The following FAM174B variants were observed in gnomAD, a reference collection of about 807,000 sequenced individuals.
The protein encoded by FAM174B is family with sequence similarity 174 member B.
In FAM174B, 12 loss-of-function variants were observed where a neutral mutation model predicts 10.9. The observed-to-expected ratio is 1.10, with a 90% confidence interval of 0.71 to 1.79. The LOEUF (loss-of-function observed/expected upper bound fraction) is 1.79. Among genes scored for constraint, FAM174B ranks in the 40% most tolerant of loss-of-function variants. The pLI, the probability that FAM174B is intolerant of heterozygous loss-of-function variation, is 0.00. For missense variants in FAM174B, 266 were observed against 233.3 expected (o/e 1.14, Z -0.91); for synonymous variants, 132 against 115.8 (o/e 1.14, Z -0.90).
chr15:92,646,150 A>AC (rs1292965557), intron 1 of FAM174B, among the ~76,000 whole-genome samples: 2 of 151,444 alleles, frequency 1.3e-5, no homozygotes, highest in East Asian at 1.9e-4. Context: ...GACATCCTGC[A>AC]CCCCCCACAC....
At chr15:92,635,197 A>ACC (rs1370308323) in intron 1 of FAM174B, among the ~76,000 whole-genome samples, 2 of 146,916 alleles carry the variant, frequency 1.4e-5, no homozygotes, top group African/African-American at 5.1e-5. Flanking sequence ...ACACACACAC[A>ACC]CCCTATTGAT....
At chr15:92,643,180 G>GGT in intron 1 of FAM174B, among the ~76,000 whole-genome samples, 1 of 151,576 alleles carries the variant, frequency 6.6e-6, no homozygotes, top group East Asian at 1.9e-4. Flanking sequence ...TGTTGACCAG[G>GGT]CTGGTCCAAA....
rs2050916326 is a variant in FAM174B, at chr15:92,644,933, C to CTT, written c.344+10381_344+10382dup. On this transcript the variant is annotated intron_variant, in intron 1 of 2. Coordinates refer to ENST00000327355, the MANE Select transcript of FAM174B (RefSeq NM_207446.3). Reference sequence around the variant, plus strand: ...TAGATTTTTATATAAAGGCTCCTAACTTTTAAGTGTTCTCAACTATCTTAG... The same window carrying CTT: ...TAGATTTTTATATAAAGGCTCCTAACTTTTTTAAGTGTTCTCAACTATCTTAG... 2.0e-5 allele frequency among the ~76,000 whole-genome samples: 3 copies of CTT among 152,224 alleles called. No homozygotes were observed. In the South Asian group the frequency reaches 6.2e-4, roughly 32 times the overall value.
rs549834370 is a variant in FAM174B, at chr15:92,655,540, C to T, written c.120G>A (p.Glu40=). Residue 40 remains glutamate (E), a synonymous_variant, in exon 1 of 3, where the codon GAG becomes GAA. Coordinates refer to ENST00000327355, the MANE Select transcript of FAM174B (RefSeq NM_207446.3). ...GGCCGGGCGGTGGCCGCGACTCGCG[C>T]TCGGGTTCGGGCCACGGCGCGGAGA... is the stretch of plus-strand genomic sequence containing the variant. ...ESVSAPWPEP[E]RESRPPPGPG... 1.3e-5 allele frequency: 19 copies of T among 1,452,576 alleles called. No individual in the cohort carries two copies. The South Asian group carries it at 2.7e-4, about 21-fold the overall frequency. 90.0% of individuals were successfully genotyped at this position (1,452,576 alleles called of 1,614,324 possible).
intron 1 of FAM174B, among the ~76,000 whole-genome samples, chr15:92,643,142 T>C (rs1311812288): frequency 9.5e-6 from 1 of 105,222 alleles, no homozygotes; most frequent in Non-Finnish European, 2.4e-5. Context: ...ATTTGTTTTT[T>C]TTTTTTAAGA....
chr15:92,627,793 G>A lies in FAM174B; in HGVS notation c.476+2421C>T, dbSNP rs56405914. 8.8e-3 allele frequency among the ~76,000 whole-genome samples: 1,335 copies of A among 152,250 alleles called. 25 individuals are homozygous for A. Among genetic ancestry groups the A allele is most frequent in the African/African-American group, 0.031 (1,275 of 41,532 alleles). ...TATTCCCAGCCGTGCAGGAGGAAGCGGACTCTTTTGACTGTGAATAGTAAT... is the reference window on the plus strand; with the variant it reads ...TATTCCCAGCCGTGCAGGAGGAAGCAGACTCTTTTGACTGTGAATAGTAAT... On this transcript the variant is annotated intron_variant, in intron 2 of 2. Coordinates refer to ENST00000327355, the MANE Select transcript of FAM174B (RefSeq NM_207446.3).
At chr15:92,646,703 C>T (rs560759825) in intron 1 of FAM174B, among the ~76,000 whole-genome samples, 1 of 152,318 alleles carries the variant, frequency 6.6e-6, no homozygotes, top group Non-Finnish European at 1.5e-5. Context: ...GGAGGCTTCG[C>T]CTGCATAATA....
At chr15:92,629,219 G>A (rs913072579) in intron 2 of FAM174B, among the ~76,000 whole-genome samples, 23 of 152,170 alleles carry the variant, frequency 1.5e-4, no homozygotes, top group African/African-American at 5.3e-4. Flanking sequence ...TTGGGACTTT[G>A]GCCAAGCAAT....
In FAM174B at chr15:92,630,340, C is replaced by T; in HGVS notation, c.350G>A (p.Gly117Glu). 6.2e-7 allele frequency: 1 copy of T among 1,611,226 alleles called. No individual in the cohort carries two copies. Among genetic ancestry groups the T allele is most frequent in the Non-Finnish European group, 8.5e-7 (1 of 1,178,484 alleles). The change falls in exon 2 of 3, where the codon GGA becomes GAA. Residue 117 changes from glycine to glutamate, a missense_variant. Gly to Glu is a moderately conservative substitution (Grantham distance 98). Coordinates refer to ENST00000327355, the MANE Select transcript of FAM174B (RefSeq NM_207446.3). ...ACLLLRVFRS[G>E]KRLKKTRKYD... is the part of the protein sequence containing the mutation. ...CTTGCGTGTCTTCTTTAACCTCTTT[C>T]CCGACCTGCAGGAGAAGAAGCACAT...
At chr15:92,630,841 A>T (rs867782817) in intron 1 of FAM174B, among the ~76,000 whole-genome samples, 1 of 36,316 alleles carries the variant, frequency 2.8e-5, no homozygotes, top group South Asian at 9.5e-4. Context: ...TATTATATAT[A>T]TTACATATTA....
At chr15:92,627,389 C>G (rs77031838) in intron 2 of FAM174B, 2,486 of 171,070 alleles carry the variant, frequency 0.015, 23 homozygotes, top group African/African-American at 0.027. Flanking sequence ...ATTTGAAGAA[C>G]TGAGACAAGC....
intron 1 of FAM174B, among the ~76,000 whole-genome samples, chr15:92,640,104 A>G (rs962034852): frequency 1.8e-4 from 28 of 152,194 alleles, no homozygotes; most frequent in Non-Finnish European, 1.2e-4. Flanking sequence ...ATAACCACCC[A>G]TATCTCACAC....
Position 92,617,831 on chromosome 15 carries a change from A to AAG in FAM174B, c.*1623_*1624dup, listed in dbSNP as rs2050689393. The AAG allele has an allele frequency of 2.0e-6, 1 of 495,912 alleles. No individual in the cohort carries two copies. The highest frequency in any genetic ancestry group is 2.0e-5 in the African/African-American group (1 of 49,688). 30.7% of individuals were successfully genotyped at this position (495,912 alleles called of 1,614,324 possible). On this transcript the variant is annotated 3_prime_UTR_variant, in exon 3 of 3. Transcript: ENST00000327355. ...GGAAAACAGAGAAGGAAAGTCAACAAAGAAGGTGAAATGCAGGGAGCAGAG... is the reference window on the plus strand; with the variant it reads ...GGAAAACAGAGAAGGAAAGTCAACAAAGAGAAGGTGAAATGCAGGGAGCAGAG...
intron 2 of FAM174B, among the ~76,000 whole-genome samples, chr15:92,629,873 G>A (rs2050779223): frequency 6.6e-6 from 1 of 152,106 alleles, no homozygotes; most frequent in Non-Finnish European, 1.5e-5. Context: ...GGTTTTCTAA[G>A]GGGGAGTTCC....
intron 1 of FAM174B, chr15:92,655,024 G>C (rs1023686760): frequency 5.8e-5 from 16 of 274,692 alleles, no homozygotes; most frequent in Non-Finnish European, 1.1e-4. Context: ...AGAATTCAGA[G>C]CGCTATTGTT....
At chr15:92,629,447 C>T (rs1018338923) in intron 2 of FAM174B, among the ~76,000 whole-genome samples, 2 of 152,180 alleles carry the variant, frequency 1.3e-5, no homozygotes, top group Non-Finnish European at 2.9e-5. Flanking sequence ...AGCAGGAACG[C>T]CACCCACCCA....
intron 1 of FAM174B, among the ~76,000 whole-genome samples, chr15:92,653,847 G>A (rs774997147): frequency 6.6e-6 from 1 of 152,282 alleles, no homozygotes; most frequent in Non-Finnish European, 1.5e-5. Context: ...GCTGGTTGAT[G>A]TCTGCGTTGC....
intron 2 of FAM174B, among the ~76,000 whole-genome samples, chr15:92,624,504 G>A (rs1281368352): frequency 6.6e-6 from 1 of 152,208 alleles, no homozygotes; most frequent in Non-Finnish European, 1.5e-5. Flanking sequence ...CAGAGCTCCC[G>A]GGTAGCAAGC....
rs1190071764 is a variant in FAM174B at position 92,631,560 on chromosome 15, T to G, written c.345-1215A>C. On this transcript the variant is annotated intron_variant, in intron 1 of 2. Coordinates refer to ENST00000327355, the MANE Select transcript of FAM174B (RefSeq NM_207446.3). ...CCCAGGCTGGAGTGCAGTGGCGTGA[T>G]CTCGGCTCACTGCAAGCTCCGCCTC... 2.2e-5 allele frequency among the ~76,000 whole-genome samples: 3 copies of G among 136,600 alleles called. No homozygotes were observed. The East Asian group carries it at 6.1e-4, about 28-fold the overall frequency. The allele number at this position is 136,600 out of a possible 152,430, so 89.6% of individuals were successfully genotyped here.
Sources: allele counts gnomAD v4.1 joint callset (sites outside exome capture counted in the v4.1 genomes callset), GRCh38; gene constraint gnomAD v4.1.1; transcripts MANE v1.5; gene names NCBI Gene and HGNC (gene_info 2026-07-23, HGNC 2026-07-21).